The following AMMECR1 variants were observed in gnomAD, a reference collection of about 807,000 sequenced individuals.
The protein encoded by AMMECR1 is AMMECR nuclear protein 1, also known as nuclear protein AMMECR1.
In AMMECR1, 3 loss-of-function variants were observed where a neutral mutation model predicts 22.5. The observed-to-expected ratio is 0.13, with a 90% confidence interval of 0.06 to 0.35. AMMECR1 has a LOEUF of 0.35. Ranked by LOEUF, AMMECR1 falls within the 10% of genes least tolerant of loss-of-function variation. The probability of loss-of-function intolerance (pLI) is 1.00; values close to 1 mark genes in which losing one functional copy is unlikely to be tolerated. For synonymous variants in AMMECR1, 130 were observed against 116.7 expected, an observed-to-expected ratio of 1.11 and a Z score of -0.74; for missense variants, 235 against 278.7, an observed-to-expected ratio of 0.84 and a Z score of 1.12.
At chrX:110,317,512 C>T in intron 1 of AMMECR1, 87 bp downstream of exon 1, 1 of 1,083,135 alleles carries the variant, frequency 9.2e-7, no homozygotes, top group African/African-American at 1.9e-5. Flanking sequence ...GGGCATCCGC[C>T]GGCCGGGAGG....
chrX:110,436,577 G>A (rs1329691729), intron 1 of AMMECR1, among the ~76,000 whole-genome samples: 5 of 112,118 alleles, frequency 4.5e-5, no homozygotes, highest in Non-Finnish European at 7.5e-5. Context: ...TTGCTGAGCA[G>A]AGAAGCAAGG....
intron 1 of AMMECR1, among the ~76,000 whole-genome samples, chrX:110,299,718 G>C (rs543309494): frequency 9.0e-6 from 1 of 111,210 alleles, no homozygotes; most frequent in Non-Finnish European, 1.9e-5. Flanking sequence ...TCACCCCTCA[G>C]ACCTTGGCAA....
chrX:110,292,013 A>G (rs989273591), intron 1 of AMMECR1, among the ~76,000 whole-genome samples: 11 of 112,451 alleles, frequency 9.8e-5, no homozygotes, highest in African/African-American at 3.6e-4. Context: ...ACTGCTGTCT[A>G]GTTGATTACA....
At chrX:110,298,811 C>T (rs2067950776) in intron 1 of AMMECR1, among the ~76,000 whole-genome samples, 1 of 111,281 alleles carries the variant, frequency 9.0e-6, no homozygotes, top group Non-Finnish European at 1.9e-5. Context: ...ATTTATGATG[C>T]TATCAATTAT....
chrX:110,264,646 G>T, intron 1 of AMMECR1, 47 bp from the exon 2 acceptor site: 1 of 1,006,484 alleles, frequency 9.9e-7, no homozygotes, highest in Non-Finnish European at 1.4e-6. Context: ...TTCAATTCAA[G>T]CAAGTATTTA....
At chrX:110,306,280 C>T (rs1482628098) in intron 1 of AMMECR1, among the ~76,000 whole-genome samples, 1 of 110,069 alleles carries the variant, frequency 9.1e-6, no homozygotes, top group African/African-American at 3.3e-5. Context: ...GCCAACAGAG[C>T]AAGACTCCGT....
chrX:110,435,728 A>G (rs1321183977), intron 1 of AMMECR1, among the ~76,000 whole-genome samples: 1 of 111,864 alleles, frequency 8.9e-6, no homozygotes, highest in African/African-American at 3.3e-5. Context: ...GAACCACACC[A>G]ATAATAGTTC....
At position 110,229,449 on chromosome X, in the gene AMMECR1, T is replaced by C. The variant is rs755904556; in HGVS notation, c.585-12817A>G. On this transcript the variant is annotated intron_variant, in intron 2 of 5. Coordinates refer to ENST00000262844, the MANE Select transcript of AMMECR1 (RefSeq NM_015365.3). Reference sequence around the variant, plus strand: ...CTGCTGAAATAGTGGCAATTGCTGATTCTGTACTATGCTACATATTAGGAA... The same window carrying C: ...CTGCTGAAATAGTGGCAATTGCTGACTCTGTACTATGCTACATATTAGGAA... Among the ~76,000 whole-genome samples, 135 of 112,422 alleles carry C rather than the reference T, an allele frequency of 1.2e-3. 2 individuals are homozygous for C. The highest frequency in any genetic ancestry group is 4.3e-3 in the African/African-American group (133 of 30,970).
intron 1 of AMMECR1, among the ~76,000 whole-genome samples, chrX:110,276,337 T>C (rs1478757361): frequency 2.7e-5 from 3 of 111,949 alleles, no homozygotes; most frequent in Non-Finnish European, 5.6e-5. Context: ...GCTAATTCTA[T>C]AACCATCATT....
chrX:110,277,860 G>A (rs965930659), intron 1 of AMMECR1, among the ~76,000 whole-genome samples: 1 of 111,773 alleles, frequency 8.9e-6, no homozygotes, highest in African/African-American at 3.3e-5. Context: ...TTAAGCCCAT[G>A]CCAAAAATAG....
intron 2 of AMMECR1, among the ~76,000 whole-genome samples, chrX:110,368,516 C>T (rs1246357349): frequency 8.9e-6 from 1 of 112,080 alleles, no homozygotes; most frequent in Non-Finnish European, 1.9e-5. Context: ...GAGTGTCATG[C>T]TTATTCACTT....
chrX:110,328,144 G>T (rs906738235), intron 2 of AMMECR1, among the ~76,000 whole-genome samples: 2 of 112,055 alleles, frequency 1.8e-5, no homozygotes, highest in African/African-American at 6.5e-5. Context: ...TCAACAACAA[G>T]GCCTAGTGAT....
intron 2 of AMMECR1, among the ~76,000 whole-genome samples, chrX:110,257,603 C>A (rs1458031907): frequency 1.8e-5 from 2 of 111,499 alleles, no homozygotes; most frequent in Admixed American, 9.5e-5. Flanking sequence ...CTTTTTGGAC[C>A]ATGTAGGATA....
At chrX:110,264,441 G>T in intron 2 of AMMECR1, 48 bp downstream of exon 2, 1 of 615,006 alleles carries the variant, frequency 1.6e-6, no homozygotes. Context: ...AGTTTCATAA[G>T]TTTTTTTTTT....
At chrX:110,209,240 T>C (rs765885320) in intron 3 of AMMECR1, among the ~76,000 whole-genome samples, 7 of 112,283 alleles carry the variant, frequency 6.2e-5, no homozygotes, top group Non-Finnish European at 1.3e-4. Context: ...ACAGTTTAAC[T>C]TAGTCTACAA....
At chrX:110,428,220 A>G (rs1326385423) in intron 1 of AMMECR1, among the ~76,000 whole-genome samples, 3 of 111,614 alleles carry the variant, frequency 2.7e-5, no homozygotes, top group African/African-American at 9.8e-5. Context: ...ACTTCTTGGG[A>G]ATCTCAGAAT....
chrX:110,212,830 ATC>A (rs1431067564), intron 3 of AMMECR1, among the ~76,000 whole-genome samples: 3 of 112,029 alleles, frequency 2.7e-5, no homozygotes, highest in East Asian at 2.8e-4. Flanking sequence ...ATTCAATATG[ATC>A]TGTTATGTAA....
intron 1 of AMMECR1, among the ~76,000 whole-genome samples, chrX:110,310,786 T>C (rs868038275): frequency 9.8e-5 from 11 of 111,803 alleles, no homozygotes; most frequent in African/African-American, 3.3e-4. Context: ...AACATTCCTA[T>C]ATTCACAAAC....
intron 2 of AMMECR1, among the ~76,000 whole-genome samples, chrX:110,223,910 T>C (rs1206429055): frequency 1.8e-5 from 2 of 112,253 alleles, no homozygotes; most frequent in Non-Finnish European, 3.8e-5. Context: ...GGCTCCACTA[T>C]ACATTAGTTG....
Sources: gnomAD v4.1 joint callset for allele counts (sites outside exome capture counted in the v4.1 genomes callset) on GRCh38, gnomAD v4.1.1 for gene constraint, MANE v1.5 for transcripts, NCBI Gene and HGNC (gene_info 2026-07-23, HGNC 2026-07-21) for gene names.